PRR27: variants seen among roughly 807,000 people sequenced by gnomAD.
PRR27 encodes proline rich 27.
In PRR27, 12 loss-of-function variants were observed where a neutral mutation model predicts 16.8. The observed-to-expected ratio is 0.71, with a 90% CI of 0.46 to 1.16. The LOEUF (loss-of-function observed/expected upper bound fraction) is 1.16, where lower values mean the gene tolerates loss of function less well. PRR27 is among the 50% of genes most tolerant of loss of function. The probability of loss-of-function intolerance (pLI) is 0.00; values close to 1 mark genes in which losing one functional copy is unlikely to be tolerated. For synonymous variants in PRR27, 100 were observed against 98.4 expected, an observed-to-expected ratio of 1.02 and a Z score of -0.10; for missense variants, 277 against 273.3, an observed-to-expected ratio of 1.01 and a Z score of -0.10.
intron 1 of PRR27, chr4:70,154,706 C>A (rs186666507): frequency 2.2e-6 from 3 of 1,344,824 alleles, no homozygotes; most frequent in East Asian, 3.5e-5. Flanking sequence ...CAGGATCCCA[C>A]GTAGATTATC....
At chr4:70,155,455 C>T (rs749307799) in intron 1 of PRR27, among the ~76,000 whole-genome samples, 1 of 151,832 alleles carries the variant, frequency 6.6e-6, no homozygotes, top group Non-Finnish European at 1.5e-5. Flanking sequence ...AGCTCCGCCT[C>T]TCGGGTTCAC....
chr4:70,154,922 T>C (rs747365483), intron 1 of PRR27: 2 of 403,080 alleles, frequency 5.0e-6, no homozygotes, highest in Non-Finnish European at 4.5e-6. Context: ...GAAACTCTAA[T>C]GTAAGACAAA....
At chr4:70,159,302 C>G (rs1728581609) in intron 3 of PRR27, among the ~76,000 whole-genome samples, 2 of 152,094 alleles carry the variant, frequency 1.3e-5, no homozygotes, top group Admixed American at 6.5e-5. Context: ...AGAGATTTAT[C>G]CATGAAGTTG....
rs1053487885 is a variant in PRR27, at chr4:70,165,645, T to C, written c.*2984T>C. 6.6e-6 allele frequency: 1 copy of C among 152,130 alleles called. No homozygotes were observed. The highest frequency in any genetic ancestry group is 2.4e-5 in the African/African-American group (1 of 41,446). 9.4% of individuals were successfully genotyped at this position (152,130 alleles called of 1,614,324 possible). ...TTTGAGTCATATCTTTTGATCGATA[T>C]TAAGATACATTTGCAGAGTTTTGTA... On this transcript the variant is annotated 3_prime_UTR_variant, in exon 5 of 5. Coordinates refer to ENST00000344526, the MANE Select transcript of PRR27 (RefSeq NM_214711.4).
intron 2 of PRR27, among the ~76,000 whole-genome samples, chr4:70,156,897 T>C (rs1395905056): frequency 1.3e-5 from 2 of 152,174 alleles, no homozygotes; most frequent in Non-Finnish European, 2.9e-5. Flanking sequence ...ATTTTACTTA[T>C]TTTTTTATTA....
intron 3 of PRR27, among the ~76,000 whole-genome samples, chr4:70,161,000 A>T (rs1376339226): frequency 6.6e-6 from 1 of 151,646 alleles, no homozygotes; most frequent in Non-Finnish European, 1.5e-5. Flanking sequence ...TAAGATATTC[A>T]CCAAGGGGTT....
chr4:70,154,396 C>T lies in PRR27; in HGVS notation c.21C>T (p.Ala7=), dbSNP rs747730648. 1 of 1,612,812 alleles carries T rather than the reference C, an allele frequency of 6.2e-7. No individual in the cohort carries two copies. Among genetic ancestry groups the T allele is most frequent in the East Asian group, 2.2e-5 (1 of 44,776 alleles). ...TCAAAATGAAGCTTCTCCTTTGGGC[C>T]TGCATTGTATGTGTTGCTTTTGCAA... is the stretch of plus-strand genomic sequence containing the variant. MKLLLW[A]CIVCVAFARK... Residue 7 remains alanine (A), a synonymous_variant, in exon 1 of 5, where the codon GCC becomes GCT. Transcript: ENST00000344526.
At chr4:70,154,798 A>G in intron 1 of PRR27, 1 of 1,292,294 alleles carries the variant, frequency 7.7e-7, no homozygotes, top group Non-Finnish European at 1.0e-6. Flanking sequence ...GGAGGTATTT[A>G]TGTACAGACA....
intron 2 of PRR27, 115 bp from the exon 3 acceptor site, chr4:70,158,213 A>G: frequency 1.4e-6 from 1 of 707,166 alleles, no homozygotes; most frequent in Non-Finnish European, 2.4e-6. Context: ...GAAAGATAAG[A>G]CATTGGAATT....
chr4:70,159,084 T>C (rs1728572869), intron 3 of PRR27, among the ~76,000 whole-genome samples, 184 bp downstream of exon 3: 1 of 152,164 alleles, frequency 6.6e-6, no homozygotes, highest in Admixed American at 6.5e-5. Context: ...TGTTTTGACA[T>C]ATGTATACAC....
chr4:70,159,551 T>TAC (rs1359696640), intron 3 of PRR27, among the ~76,000 whole-genome samples: 1 of 152,074 alleles, frequency 6.6e-6, no homozygotes, highest in African/African-American at 2.4e-5. Flanking sequence ...AACATATCTT[T>TAC]ACACACACAC....
chr4:70,160,034 A>C (rs909866972), intron 3 of PRR27, among the ~76,000 whole-genome samples: 1 of 152,170 alleles, frequency 6.6e-6, no homozygotes, highest in Non-Finnish European at 1.5e-5. Context: ...TTTTTAAAAA[A>C]AAAATTCATC....
rs1728739568 is a variant in PRR27 at position 70,165,336 on chromosome 4, G to C, written c.*2675G>C. ...CATTCAAAATACTACATACAAGTTT[G>C]TATTATCATAAATAATCCAAAAGAA... On this transcript the variant is annotated 3_prime_UTR_variant, in exon 5 of 5. Coordinates refer to ENST00000344526, the MANE Select transcript of PRR27 (RefSeq NM_214711.4). 6.6e-6 allele frequency: 1 copy of C among 151,952 alleles called. No homozygotes were observed. Among genetic ancestry groups the C allele is most frequent in the Non-Finnish European group, 1.5e-5 (1 of 67,934 alleles). 9.4% of individuals were successfully genotyped at this position (151,952 alleles called of 1,614,324 possible).
rs1251926678 is a variant in PRR27, at chr4:70,164,737, A to T, written c.*2076A>T. 1 of 152,136 alleles carries T rather than the reference A, an allele frequency of 6.6e-6. No individual in the cohort carries two copies. The highest frequency in any genetic ancestry group is 2.4e-5 in the African/African-American group (1 of 41,448). The allele number at this position is 152,136 out of a possible 1,614,324, so 9.4% of individuals were successfully genotyped here. A position where few individuals can be genotyped will look rare whatever the true frequency, so the allele number is the denominator to read the frequency against. On this transcript the variant is annotated 3_prime_UTR_variant, in exon 5 of 5. Coordinates refer to ENST00000344526, the MANE Select transcript of PRR27 (RefSeq NM_214711.4). Reference sequence around the variant, plus strand: ...AATATGACTGTATAAGAAACAACAGAAAGATGAAGATGAACCGAAATAGAA... The same window carrying T: ...AATATGACTGTATAAGAAACAACAGTAAGATGAAGATGAACCGAAATAGAA...
chr4:70,154,263 A>T lies in PRR27; in HGVS notation c.-113A>T. ...AGGGTCTTCCTAGACAGACTAAAAA[A>T]GCCATGTATTCTTTCGTTTCTCTCT... On this transcript the variant is annotated 5_prime_UTR_variant, in exon 1 of 5. The change creates a new upstream start codon in the 5' untranslated region. Transcript: ENST00000344526. 1.2e-6 allele frequency: 1 copy of T among 863,670 alleles called. No homozygotes were observed. The highest frequency in any genetic ancestry group is 1.8e-6 in the Non-Finnish European group (1 of 545,796). The allele number at this position is 863,670 out of a possible 1,614,324, so 53.5% of individuals were successfully genotyped here. A position where few individuals can be genotyped will look rare whatever the true frequency, so the allele number is the denominator to read the frequency against.
chr4:70,157,676 G>A (rs529910715), intron 2 of PRR27, among the ~76,000 whole-genome samples: 15 of 151,900 alleles, frequency 9.9e-5, no homozygotes, highest in East Asian at 3.9e-4. Flanking sequence ...CCGCCACCAC[G>A]CCCAGCCAAT....
chr4:70,154,769 G>A, intron 1 of PRR27: 1 of 1,318,614 alleles, frequency 7.6e-7, no homozygotes, highest in Non-Finnish European at 9.9e-7. Flanking sequence ...GCTTCCTATG[G>A]CTGTGAAGTG....
At chr4:70,161,179 T>TATATAC (rs527588905) in intron 3 of PRR27, among the ~76,000 whole-genome samples, 3,697 of 107,660 alleles carry the variant, frequency 0.034, 106 homozygotes, top group South Asian at 0.048. Flanking sequence ...TATATATATA[T>TATATAC]ACACACATAC....
chr4:70,165,332 G>A lies in PRR27; in HGVS notation c.*2671G>A, dbSNP rs1264197923. 6.6e-6 allele frequency: 1 copy of A among 152,010 alleles called. No individual in the cohort carries two copies. The highest frequency in any genetic ancestry group is 6.6e-5 in the Admixed American group (1 of 15,248). 9.4% of individuals were successfully genotyped at this position (152,010 alleles called of 1,614,324 possible). Reference sequence around the variant, plus strand: ...GACACATTCAAAATACTACATACAAGTTTGTATTATCATAAATAATCCAAA... The same window carrying A: ...GACACATTCAAAATACTACATACAAATTTGTATTATCATAAATAATCCAAA... On this transcript the variant is annotated 3_prime_UTR_variant, in exon 5 of 5. Transcript: ENST00000344526.
Sources: gnomAD v4.1 joint callset for allele counts (sites outside exome capture counted in the v4.1 genomes callset) on GRCh38, gnomAD v4.1.1 for gene constraint, MANE v1.5 for transcripts, NCBI Gene and HGNC (gene_info 2026-07-23, HGNC 2026-07-21) for gene names.